The following RAD50 variants were observed in gnomAD, a reference collection of about 807,000 sequenced individuals.
The protein encoded by RAD50 is DNA repair protein RAD50.
RAD50 carries 132 observed loss-of-function variants against 168.8 expected under a neutral mutation model. The ratio of observed to expected loss-of-function variants is 0.78; its 90% CI spans 0.68 to 0.90. The LOEUF is 0.90. Among genes scored for constraint, RAD50 ranks in the 40% least tolerant of loss-of-function variants. The pLI is 0.00. For missense variants in RAD50, 1,347 were observed against 1,534.4 expected, an observed-to-expected ratio of 0.88 and a Z score of 2.04; for synonymous variants, 525 against 497.4, an observed-to-expected ratio of 1.06 and a Z score of -0.74.
chr5:132,610,389 A>G lies in RAD50; in HGVS notation c.3036+993A>G, dbSNP rs140966896. Among the ~76,000 whole-genome samples, 456 of 152,294 alleles carry G rather than the reference A, an allele frequency of 3.0e-3. 2 individuals carry two copies. The highest frequency in any genetic ancestry group is 9.4e-3 in the African/African-American group (390 of 41,564). Reference sequence around the variant, plus strand: ...TTAAGTCATTTTCCAGTTGATTCCTATATCATTTATTTTCTCTATTAAAGA... The same window carrying G: ...TTAAGTCATTTTCCAGTTGATTCCTGTATCATTTATTTTCTCTATTAAAGA... On this transcript the variant is annotated intron_variant, in intron 19 of 24. Coordinates refer to ENST00000378823, the MANE Select transcript of RAD50 (RefSeq NM_005732.4).
At chr5:132,631,118 C>CTT (rs34124696) in intron 21 of RAD50, among the ~76,000 whole-genome samples, 5,120 of 129,060 alleles carry the variant, frequency 0.04, 149 homozygotes, top group Non-Finnish European at 0.059. Context: ...GAGAGTCTCA[C>CTT]TTTTTTTTTT....
intron 2 of RAD50, among the ~76,000 whole-genome samples, chr5:132,565,739 T>C (rs1310211890): frequency 6.6e-6 from 1 of 152,184 alleles, no homozygotes; most frequent in African/African-American, 2.4e-5. Flanking sequence ...AACCCTCAGG[T>C]GGGCCCCCTT....
Position 132,609,167 on chromosome 5 carries a change from C to T in RAD50, c.2880C>T (p.Asp960=), listed in dbSNP as rs2149849701. 1 of 1,611,678 alleles carries T rather than the reference C, an allele frequency of 6.2e-7. No individual in the cohort carries two copies. The highest frequency in any genetic ancestry group is 1.1e-5 in the South Asian group (1 of 90,368). Residue 960 remains aspartate (D), a synonymous_variant, in exon 18 of 25, where the codon GAC becomes GAT. Transcript: ENST00000378823. ...KVKNIHGYMK[D]IENYIQDGKD... is the part of the protein sequence containing the mutation. The stretch of plus-strand genomic sequence containing the variant: ...AAAATATTCATGGCTATATGAAAGA[C>T]ATTGAGAATTATATTCAAGATGGGA...
At chr5:132,573,684 C>T (rs183668297) in intron 2 of RAD50, among the ~76,000 whole-genome samples, 2 of 152,364 alleles carry the variant, frequency 1.3e-5, no homozygotes, top group African/African-American at 4.8e-5. Flanking sequence ...CAAGTCCCTT[C>T]TGCCTATGCG....
intron 22 of RAD50, 135 bp downstream of exon 22, chr5:132,637,335 C>A: frequency 1.4e-6 from 2 of 1,452,944 alleles, no homozygotes; most frequent in Admixed American, 1.9e-5. Context: ...TCTAAGAATT[C>A]TTATCTTGGC....
intron 21 of RAD50, among the ~76,000 whole-genome samples, chr5:132,628,363 G>A (rs983181240): frequency 2.6e-5 from 4 of 152,066 alleles, no homozygotes; most frequent in Non-Finnish European, 4.4e-5. Flanking sequence ...TAAAAGATGT[G>A]GTATCTTGAA....
intron 21 of RAD50, among the ~76,000 whole-genome samples, chr5:132,626,416 A>T (rs2149857576): frequency 6.6e-6 from 1 of 152,276 alleles, no homozygotes; most frequent in Admixed American, 6.5e-5. Flanking sequence ...GACTGAAGAT[A>T]TTTAGCAAAT....
intron 5 of RAD50, among the ~76,000 whole-genome samples, chr5:132,581,545 A>G (rs1163814018): frequency 6.6e-6 from 1 of 152,222 alleles, no homozygotes; most frequent in Non-Finnish European, 1.5e-5. Flanking sequence ...CTTCCAGAGT[A>G]TATTTTACCT....
chr5:132,592,771 C>G (rs1750726274), intron 11 of RAD50: 3 of 468,224 alleles, frequency 6.4e-6, no homozygotes, highest in Non-Finnish European at 1.3e-5. Context: ...CAGGATTGTA[C>G]TGGTAAAGCC....
chr5:132,603,419 G>T lies in RAD50; in HGVS notation c.2327G>T (p.Gly776Val), dbSNP rs1174525743. The T allele has an allele frequency of 6.2e-7, 1 of 1,613,938 alleles. No homozygotes were observed. Among genetic ancestry groups the T allele is most frequent in the East Asian group, 2.2e-5 (1 of 44,826 alleles). Residue 776 changes from glycine to valine, a missense_variant, in exon 14 of 25, where the codon GGT (glycine) becomes GTT (valine). Coordinates refer to ENST00000378823, the MANE Select transcript of RAD50 (RefSeq NM_005732.4). Reference protein sequence around the residue: ...NDIEEQETLLGTIMPEEESAK... With the variant: ...NDIEEQETLLVTIMPEEESAK... ...ATAGAAGAACAAGAAACACTCTTGG[G>T]TACAATAATGCCTGAAGAAGAAAGT...
chr5:132,608,448 A>G (rs1156432948), intron 16 of RAD50, among the ~76,000 whole-genome samples, 167 bp from the exon 17 acceptor site: 1 of 152,218 alleles, frequency 6.6e-6, no homozygotes, highest in Non-Finnish European at 1.5e-5. Context: ...TTTGAAATAT[A>G]GGACTGAAAA....
At chr5:132,627,180 G>A (rs953104189) in intron 21 of RAD50, among the ~76,000 whole-genome samples, 1 of 151,882 alleles carries the variant, frequency 6.6e-6, no homozygotes, top group African/African-American at 2.4e-5. Context: ...TTTTATAACC[G>A]TTAAAAAACT....
At position 132,595,566 on chromosome 5, in the gene RAD50, A is replaced by C. The variant is rs370034340; in HGVS notation, c.1970-7A>C. 134 of 1,582,024 alleles carry C rather than the reference A, an allele frequency of 8.5e-5. No individual in the cohort carries two copies. Among genetic ancestry groups the C allele is most frequent in the Non-Finnish European group, 1.1e-4 (130 of 1,151,136 alleles). ...CATTGGTGATATAATTTATTTTCTT[A>C]AAATAGCCATGCTGGCTGGAGCCAC... On this transcript the variant is annotated splice_polypyrimidine_tract_variant and splice_region_variant and intron_variant, in intron 12 of 24. Coordinates refer to ENST00000378823, the MANE Select transcript of RAD50 (RefSeq NM_005732.4).
At position 132,603,396 on chromosome 5, in the gene RAD50, A is replaced by T; in HGVS notation, c.2304A>T (p.Ile768=). ...NRDIQRLKND[I]EEQETLLGTI... ...ACATACAGCGCCTAAAGAACGACAT[A>T]GAAGAACAAGAAACACTCTTGGGTA... The change falls in exon 14 of 25, where the codon ATA becomes ATT. Residue 768 remains isoleucine, a synonymous_variant. Coordinates refer to ENST00000378823, the MANE Select transcript of RAD50 (RefSeq NM_005732.4). The T allele has an allele frequency of 6.2e-7, 1 of 1,613,942 alleles. No individual in the cohort carries two copies. Among genetic ancestry groups the T allele is most frequent in the Non-Finnish European group, 8.5e-7 (1 of 1,179,862 alleles).
chr5:132,563,990 C>T (rs1750165093), intron 2 of RAD50, among the ~76,000 whole-genome samples: 4 of 152,180 alleles, frequency 2.6e-5, no homozygotes, highest in Admixed American at 2.6e-4. Context: ...TTTCCTGAGG[C>T]CTCCGCAGTC....
At chr5:132,607,072 A>G (rs1750997955) in intron 16 of RAD50, among the ~76,000 whole-genome samples, 1 of 152,174 alleles carries the variant, frequency 6.6e-6, no homozygotes, top group Non-Finnish European at 1.5e-5. Context: ...ATGAGGATCA[A>G]ATGAAAATGG....
In RAD50 at chr5:132,603,282, A is replaced by G. The variant is rs775419328; in HGVS notation, c.2208-18A>G. 1 of 1,590,154 alleles carries G rather than the reference A, an allele frequency of 6.3e-7. No individual in the cohort carries two copies. Among genetic ancestry groups the G allele is most frequent in the Non-Finnish European group, 8.6e-7 (1 of 1,162,204 alleles). On this transcript the variant is annotated intron_variant, in intron 13 of 24. Transcript: ENST00000378823. ...AGAAACATCAGATACTTTATTTTTAATTGTGTTTTCTATTTAGGCAAAGCA... is the reference window on the plus strand; with the variant it reads ...AGAAACATCAGATACTTTATTTTTAGTTGTGTTTTCTATTTAGGCAAAGCA...
At position 132,618,156 on chromosome 5, in the gene RAD50, A is replaced by C; in HGVS notation, c.3251A>C (p.Glu1084Ala). 1.2e-6 allele frequency: 2 copies of C among 1,613,896 alleles called. No homozygotes were observed. Among genetic ancestry groups the C allele is most frequent in the Non-Finnish European group, 1.7e-6 (2 of 1,179,886 alleles). Residue 1084 changes from glutamate to alanine, a missense_variant, in exon 21 of 25, where the codon GAA (glutamate) becomes GCA (alanine). This residue lies in a region of RAD50 where 635 missense variants were observed against 739.2 expected (regional missense o/e 0.86). Coordinates refer to ENST00000378823, the MANE Select transcript of RAD50 (RefSeq NM_005732.4). ...GGGCGACAGAAAGGTTATGAAGAAG[A>C]AATTATTCATTTTAAGAAAGAACTT... The part of the protein sequence containing the change: ...ALGRQKGYEE[E>A]IIHFKKELRE...
At chr5:132,595,420 C>T (rs768729909) in intron 12 of RAD50, 153 bp from the exon 13 acceptor site, 11 of 506,646 alleles carry the variant, frequency 2.2e-5, no homozygotes, top group Non-Finnish European at 3.6e-5. Context: ...AAGCGAATAT[C>T]GGAATTTTAA....
Sources: allele counts gnomAD v4.1 joint callset (sites outside exome capture counted in the v4.1 genomes callset), GRCh38; gene constraint gnomAD v4.1.1; regional missense constraint gnomAD v4.1.1; transcripts MANE v1.5; gene names NCBI Gene and HGNC (gene_info 2026-07-23, HGNC 2026-07-21).